The following LCLAT1 variants were observed in gnomAD, a reference collection of about 807,000 sequenced individuals.
The protein encoded by LCLAT1 is lysocardiolipin acyltransferase 1, also known as 1-AGP acyltransferase 8.
Under a neutral mutation model 30.7 loss-of-function variants are expected in LCLAT1, and 11 were observed. That is an observed-to-expected ratio of 0.36 (90% CI 0.23 to 0.59). The LOEUF (loss-of-function observed/expected upper bound fraction) is 0.59. Among genes scored for constraint, LCLAT1 ranks in the 20% least tolerant of loss-of-function variants. The pLI, the probability that LCLAT1 is intolerant of heterozygous loss-of-function variation, is 0.77. For synonymous variants in LCLAT1, 155 were observed against 151.3 expected (o/e 1.02, Z -0.18); for missense variants, 402 against 458.6 (o/e 0.88, Z 1.13).
At chr2:30,461,770 C>CTT (rs1553354407) in intron 1 of LCLAT1, among the ~76,000 whole-genome samples, 21 of 131,784 alleles carry the variant, frequency 1.6e-4, no homozygotes, top group Non-Finnish European at 1.8e-4. Context: ...CTAAATTAAA[C>CTT]TTTTTTTTTT....
At chr2:30,543,957 A>C (rs1379790226) in intron 3 of LCLAT1, among the ~76,000 whole-genome samples, 1 of 151,872 alleles carries the variant, frequency 6.6e-6, no homozygotes, top group Non-Finnish European at 1.5e-5. Context: ...GCTTTTTTTA[A>C]AATTTTTTAG....
At chr2:30,449,104 A>G (rs528389887) in intron 1 of LCLAT1, among the ~76,000 whole-genome samples, 1 of 152,286 alleles carries the variant, frequency 6.6e-6, no homozygotes, top group Non-Finnish European at 1.5e-5. Flanking sequence ...ACTGAAGCAC[A>G]TTGAAGTTTA....
At chr2:30,547,202 G>A (rs904958446) in intron 3 of LCLAT1, among the ~76,000 whole-genome samples, 1 of 152,134 alleles carries the variant, frequency 6.6e-6, no homozygotes, top group African/African-American at 2.4e-5. Flanking sequence ...TTTCTTCAAA[G>A]GGGGCTTCTA....
intron 1 of LCLAT1, among the ~76,000 whole-genome samples, chr2:30,458,625 T>C (rs369829006): frequency 2.6e-5 from 4 of 152,162 alleles, no homozygotes; most frequent in African/African-American, 9.7e-5. Context: ...CTTAAGTGTT[T>C]TATTGGGAGT....
At chr2:30,600,271 C>T (rs1047253014) in intron 5 of LCLAT1, among the ~76,000 whole-genome samples, 5 of 152,112 alleles carry the variant, frequency 3.3e-5, no homozygotes, top group Admixed American at 2.6e-4. Flanking sequence ...TGAATGACTC[C>T]TGGGTAAATA....
At position 30,475,467 on chromosome 2, in the gene LCLAT1, T is replaced by C. The variant is rs1683000500; in HGVS notation, c.-5+28084T>C. ...AATTGCATACAATTATTGGAGGCTA[T>C]ATAATGGGGTTGGAAAGAGTCCCAG... On this transcript the variant is annotated intron_variant, in intron 1 of 5. Coordinates refer to ENST00000379509, the MANE Select transcript of LCLAT1 (RefSeq NM_001002257.3). 2.6e-5 allele frequency among the ~76,000 whole-genome samples: 4 copies of C among 152,220 alleles called. No homozygotes were observed. The South Asian group carries it at 8.3e-4, about 31-fold the overall frequency.
intron 5 of LCLAT1, among the ~76,000 whole-genome samples, chr2:30,620,386 T>A (rs1668185966): frequency 6.6e-6 from 1 of 152,198 alleles, no homozygotes; most frequent in African/African-American, 2.4e-5. Flanking sequence ...ATTCTTAGGC[T>A]ACTAGAGTTT....
chr2:30,621,704 G>A (rs912132084), intron 5 of LCLAT1, among the ~76,000 whole-genome samples: 4 of 152,090 alleles, frequency 2.6e-5, no homozygotes, highest in Admixed American at 2.6e-4. Context: ...ATTTAAGAGA[G>A]CCAAGCAAAA....
At chr2:30,607,411 TAATGACGTTCTAGTTAGTGGCAAACCAC>T (rs1667502587) in intron 5 of LCLAT1, 1 of 152,086 alleles carries the variant, frequency 6.6e-6, no homozygotes, top group East Asian at 1.9e-4. Context: ...ATGCAACACA[TAATGACGTTCTAGTTAGTGGCAAACCAC>T]ATATATGATG....
At chr2:30,614,399 C>T (rs1196641278) in intron 5 of LCLAT1, among the ~76,000 whole-genome samples, 1 of 151,906 alleles carries the variant, frequency 6.6e-6, no homozygotes, top group East Asian at 1.9e-4. Flanking sequence ...TCTTTCTACA[C>T]AGACACAGTA....
intron 5 of LCLAT1, among the ~76,000 whole-genome samples, chr2:30,579,761 A>G (rs969088962): frequency 1.3e-5 from 2 of 152,168 alleles, no homozygotes; most frequent in African/African-American, 4.8e-5. Context: ...TAGAAAAGAA[A>G]GGGAATTAGA....
intron 1 of LCLAT1, among the ~76,000 whole-genome samples, chr2:30,498,660 TG>T (rs1178700388): frequency 6.6e-6 from 1 of 152,214 alleles, no homozygotes; most frequent in East Asian, 1.9e-4. Flanking sequence ...TCCTCTCTCA[TG>T]GGCATGTTTG....
chr2:30,624,035 G>A (rs1668392444), intron 5 of LCLAT1, among the ~76,000 whole-genome samples: 1 of 152,126 alleles, frequency 6.6e-6, no homozygotes, highest in East Asian at 1.9e-4. Flanking sequence ...CTGAAGGAAA[G>A]ATACAGTCTT....
intron 5 of LCLAT1, among the ~76,000 whole-genome samples, chr2:30,635,413 C>T (rs2148533661): frequency 6.6e-6 from 1 of 152,180 alleles, no homozygotes; most frequent in East Asian, 1.9e-4. Flanking sequence ...AAATGAGTGT[C>T]AAGGTGTAAG....
At position 30,570,590 on chromosome 2, in the gene LCLAT1, C is replaced by G. The variant is rs1407614004; in HGVS notation, c.628+2414C>G. ...AATTATTGGAATACAGTTTGTCTAA[C>G]TGAATAGCTCTTGTTCTTTCTACTG... On this transcript the variant is annotated intron_variant, in intron 5 of 5. Coordinates refer to ENST00000379509, the MANE Select transcript of LCLAT1 (RefSeq NM_001002257.3). Among the ~76,000 whole-genome samples the G allele has an allele frequency of 2.0e-5, 3 of 152,256 alleles. No individual in the cohort carries two copies. In the East Asian group the frequency reaches 5.8e-4, roughly 29 times the overall value.
chr2:30,549,350 C>G (rs1346166139), intron 3 of LCLAT1, among the ~76,000 whole-genome samples: 1 of 152,102 alleles, frequency 6.6e-6, no homozygotes, highest in Non-Finnish European at 1.5e-5. Flanking sequence ...AGCTAGGAAG[C>G]GAATTTCACC....
chr2:30,501,661 T>G (rs1307078624), intron 1 of LCLAT1, among the ~76,000 whole-genome samples: 1 of 151,924 alleles, frequency 6.6e-6, no homozygotes, highest in African/African-American at 2.4e-5. Flanking sequence ...GGTGACAGAG[T>G]GAGACTCTGT....
At chr2:30,629,380 C>A (rs1369494172) in intron 5 of LCLAT1, among the ~76,000 whole-genome samples, 2 of 151,794 alleles carry the variant, frequency 1.3e-5, no homozygotes, top group African/African-American at 4.8e-5. Flanking sequence ...GCCAACGTGG[C>A]GAAACCCTGT....
chr2:30,493,642 CT>C (rs1378408447), intron 1 of LCLAT1, among the ~76,000 whole-genome samples: 2 of 152,304 alleles, frequency 1.3e-5, no homozygotes, highest in African/African-American at 4.8e-5. Context: ...CTCTGTCACT[CT>C]AGAAAACTCC....
Sources: allele counts gnomAD v4.1 joint callset (sites outside exome capture counted in the v4.1 genomes callset), GRCh38; gene constraint gnomAD v4.1.1; transcripts MANE v1.5; gene names NCBI Gene and HGNC (gene_info 2026-07-23, HGNC 2026-07-21).